Variants in UBE2L3 observed in about 807,000 individuals in gnomAD.
UBE2L3 encodes ubiquitin-conjugating enzyme E2 L3.
In UBE2L3, 1 loss-of-function variant was observed where a neutral mutation model predicts 17.8. The observed-to-expected ratio is 0.06, with a 90% CI of 0.02 to 0.27. The LOEUF is 0.27. Among genes scored for constraint, UBE2L3 ranks in the 10% least tolerant of loss-of-function variants. The pLI is 1.00. For synonymous variants in UBE2L3, 44 were observed against 68.5 expected (o/e 0.64, Z 1.76); for missense variants, 40 against 192.6 (o/e 0.21, Z 4.69).
chr22:21,591,124 G>C (rs12167500), intron 1 of UBE2L3, among the ~76,000 whole-genome samples: 1 of 152,190 alleles, frequency 6.6e-6, no homozygotes, highest in Non-Finnish European at 1.5e-5. Flanking sequence ...TGGTCCCTCA[G>C]GTTCCGTACC....
At chr22:21,590,819 C>G (rs1213485178) in intron 1 of UBE2L3, among the ~76,000 whole-genome samples, 1 of 152,180 alleles carries the variant, frequency 6.6e-6, no homozygotes, top group Admixed American at 6.5e-5. Context: ...TATAGAAAAT[C>G]CTTCCCACCC....
chr22:21,587,887 C>G (rs1413633356), intron 1 of UBE2L3, among the ~76,000 whole-genome samples: 1 of 152,192 alleles, frequency 6.6e-6, no homozygotes. Context: ...GGTGGCACCC[C>G]TGGGCTTTTT....
intron 1 of UBE2L3, among the ~76,000 whole-genome samples, chr22:21,572,827 T>C (rs1256667129): frequency 6.6e-6 from 1 of 152,162 alleles, no homozygotes; most frequent in Admixed American, 6.6e-5. Flanking sequence ...CATCTCCTCC[T>C]GTCCCACCTT....
At chr22:21,590,584 TA>T (rs1337109342) in intron 1 of UBE2L3, among the ~76,000 whole-genome samples, 1 of 152,266 alleles carries the variant, frequency 6.6e-6, no homozygotes, top group African/African-American at 2.4e-5. Context: ...TTTTGTCCCA[TA>T]AATGTTAGAT....
chr22:21,575,916 G>A (rs150969105), intron 1 of UBE2L3, among the ~76,000 whole-genome samples: 3 of 151,990 alleles, frequency 2.0e-5, no homozygotes, highest in Admixed American at 1.3e-4. Flanking sequence ...GATTACAGGC[G>A]TGAGCCACTG....
At chr22:21,598,087 C>T (rs191175638) in intron 2 of UBE2L3, among the ~76,000 whole-genome samples, 319 of 150,690 alleles carry the variant, frequency 2.1e-3, no homozygotes, top group Middle Eastern at 0.01. Flanking sequence ...ACCACTATGC[C>T]CTGCCTCATT....
chr22:21,555,764 T>C (rs1237772363), intron 1 of UBE2L3, among the ~76,000 whole-genome samples: 1 of 151,928 alleles, frequency 6.6e-6, no homozygotes, highest in Non-Finnish European at 1.5e-5. Context: ...AAACCCTGTC[T>C]CTATTAAAAA....
chr22:21,601,001 C>A (rs529021833), intron 2 of UBE2L3, among the ~76,000 whole-genome samples: 116 of 152,120 alleles, frequency 7.6e-4, no homozygotes, highest in African/African-American at 2.8e-3. Context: ...GAAACCCTAT[C>A]TCTACTAAAA....
intron 2 of UBE2L3, among the ~76,000 whole-genome samples, chr22:21,605,677 T>C (rs552605139): frequency 6.6e-6 from 1 of 152,320 alleles, no homozygotes; most frequent in East Asian, 1.9e-4. Flanking sequence ...GGCTAATTTT[T>C]GTATTTTTAG....
chr22:21,571,251 C>T (rs75645429), intron 1 of UBE2L3, among the ~76,000 whole-genome samples: 159 of 152,304 alleles, frequency 1.0e-3, no homozygotes, highest in African/African-American at 3.7e-3. Flanking sequence ...TTATGTGTGG[C>T]TTAGGCAACT....
intron 1 of UBE2L3, among the ~76,000 whole-genome samples, chr22:21,574,980 G>C (rs1030678107): frequency 1.3e-5 from 2 of 150,850 alleles, no homozygotes; most frequent in African/African-American, 4.9e-5. Flanking sequence ...ATGTTGGCTT[G>C]GCGCAGTAGC....
chr22:21,600,170 G>A (rs8136872), intron 2 of UBE2L3, among the ~76,000 whole-genome samples: 12,115 of 151,826 alleles, frequency 0.08, 1,673 homozygotes, highest in African/African-American at 0.28. Context: ...AAAATTAGCC[G>A]GGCCTGGTGG....
intron 1 of UBE2L3, among the ~76,000 whole-genome samples, chr22:21,562,562 G>A (rs1170497272): frequency 2.0e-5 from 3 of 151,770 alleles, no homozygotes; most frequent in Admixed American, 6.6e-5. Flanking sequence ...TAGTAGAGAC[G>A]GGGTTTCACC....
intron 3 of UBE2L3, 94 bp downstream of exon 3, chr22:21,611,137 G>C: frequency 7.3e-7 from 1 of 1,367,920 alleles, no homozygotes; most frequent in Non-Finnish European, 9.8e-7. Flanking sequence ...AGAATCCAGA[G>C]AATCTTTCAG....
chr22:21,617,170 G>A (rs1929824247), intron 3 of UBE2L3, among the ~76,000 whole-genome samples: 1 of 151,122 alleles, frequency 6.6e-6, no homozygotes, highest in East Asian at 1.9e-4. Context: ...AAAAGAAAAG[G>A]AACAAAAGGA....
intron 1 of UBE2L3, chr22:21,568,353 T>C: frequency 1.0e-6 from 1 of 985,450 alleles, no homozygotes; most frequent in Non-Finnish European, 1.2e-6. Flanking sequence ...AACTGTCGCC[T>C]TGTGACTGCA....
intron 1 of UBE2L3, among the ~76,000 whole-genome samples, chr22:21,571,486 A>G (rs917092959): frequency 1.3e-5 from 2 of 152,214 alleles, no homozygotes; most frequent in African/African-American, 2.4e-5. Flanking sequence ...TCTGTGCACT[A>G]CAACCTCTGC....
In UBE2L3 at chr22:21,621,886, T is replaced by G. The variant is rs958152304; in HGVS notation, c.*217T>G. 2.1e-6 allele frequency: 1 copy of G among 481,612 alleles called. No homozygotes were observed. The highest frequency in any genetic ancestry group is 2.0e-5 in the African/African-American group (1 of 49,320). The allele number at this position is 481,612 out of a possible 1,614,324, so 29.8% of individuals were successfully genotyped here. ...TTAAGATGTTCTAGTTCTGCTCTCT[T>G]TGTTTTAAAAATCACTGCTTCAATC... On this transcript the variant is annotated 3_prime_UTR_variant, in exon 4 of 4. Transcript: ENST00000342192.
At chr22:21,593,908 C>G (rs969038723) in intron 2 of UBE2L3, among the ~76,000 whole-genome samples, 5 of 152,168 alleles carry the variant, frequency 3.3e-5, no homozygotes, top group African/African-American at 9.7e-5. Flanking sequence ...TTCTCCTGTT[C>G]TGTTTTGTCT....
Sources: allele counts gnomAD v4.1 joint callset (sites outside exome capture counted in the v4.1 genomes callset), GRCh38; gene constraint gnomAD v4.1.1; transcripts MANE v1.5; gene names NCBI Gene and HGNC (gene_info 2026-07-23, HGNC 2026-07-21).